The following RYR2 variants were observed in gnomAD, a reference collection of about 807,000 sequenced individuals.
RYR2 encodes the protein ryanodine receptor 2, also known as cardiac muscle ryanodine receptor-calcium release channel.
A neutral mutation model predicts 601.1 loss-of-function variants in RYR2; 227 were observed. The observed-to-expected ratio is 0.38, with a 90% confidence interval of 0.34 to 0.42. RYR2 has a LOEUF of 0.42. RYR2 is among the 10% of genes least tolerant of loss of function. The pLI is 1.00. For synonymous variants in RYR2, 2,223 were observed against 2,175.1 expected, an observed-to-expected ratio of 1.02 and a Z score of -0.61; for missense variants, 4,646 against 6,156.5, an observed-to-expected ratio of 0.75 and a Z score of 8.21.
intron 23 of RYR2, among the ~76,000 whole-genome samples, chr1:237,510,142 T>C (rs1459115318): frequency 6.6e-6 from 1 of 152,148 alleles, no homozygotes; most frequent in Non-Finnish European, 1.5e-5. Context: ...GCAGAGAGCC[T>C]GGAGGCAGGA....
intron 62 of RYR2, 131 bp from the exon 63 acceptor site, chr1:237,687,324 T>C: frequency 4.6e-6 from 3 of 645,476 alleles, no homozygotes; most frequent in East Asian, 2.7e-5. Flanking sequence ...GTTGCTTTTT[T>C]CCGGCTCATA....
In RYR2 at chr1:237,653,778, G is replaced by A. The variant is rs147894321; in HGVS notation, c.7825-496G>A. Among the ~76,000 whole-genome samples the A allele has an allele frequency of 1.2e-3, 177 of 152,310 alleles. 1 individual carries two copies. Among genetic ancestry groups the A allele is most frequent in the African/African-American group, 3.8e-3 (156 of 41,568 alleles). On this transcript the variant is annotated intron_variant, in intron 51 of 104. Transcript: ENST00000366574. ...GCCTTCAGTCTGTGGCCGAAGGCCC[G>A]TGAGCCCCTGGCAAAGCACTAGTGT...
At position 237,709,577 on chromosome 1, in the gene RYR2, A is replaced by G; in HGVS notation, c.10230+10A>G. Reference sequence around the variant, plus strand: ...CTGGTCGAAGTCCCATGTGAGTGTGAAAATATTGATAGATCACGCCTACTG... The same window carrying G: ...CTGGTCGAAGTCCCATGTGAGTGTGGAAATATTGATAGATCACGCCTACTG... On this transcript the variant is annotated intron_variant, in intron 70 of 104. Coordinates refer to ENST00000366574, the MANE Select transcript of RYR2 (RefSeq NM_001035.3). The G allele has an allele frequency of 6.4e-7, 1 of 1,571,602 alleles. No individual in the cohort carries two copies. Among genetic ancestry groups the G allele is most frequent in the Non-Finnish European group, 8.7e-7 (1 of 1,146,486 alleles).
chr1:237,516,504 C>G (rs188444694), intron 24 of RYR2, among the ~76,000 whole-genome samples: 1 of 152,220 alleles, frequency 6.6e-6, no homozygotes, highest in East Asian at 1.9e-4. Flanking sequence ...TGAAGGTATT[C>G]TCACCACTCC....
Position 237,105,464 on chromosome 1 carries a change from A to G in RYR2, c.48+62895A>G, listed in dbSNP as rs544470390. 6.6e-5 allele frequency among the ~76,000 whole-genome samples: 10 copies of G among 152,306 alleles called. No individual in the cohort carries two copies. The South Asian group carries it at 1.9e-3, about 28-fold the overall frequency. On this transcript the variant is annotated intron_variant, in intron 1 of 104. Coordinates refer to ENST00000366574, the MANE Select transcript of RYR2 (RefSeq NM_001035.3). ...GTAATCCCAGCATTTTGGAAGGCCAAGACGGGCAGGTCACTTGAAGTCAGG... is the reference window on the plus strand; with the variant it reads ...GTAATCCCAGCATTTTGGAAGGCCAGGACGGGCAGGTCACTTGAAGTCAGG...
intron 29 of RYR2, among the ~76,000 whole-genome samples, chr1:237,572,256 G>A (rs1020105721): frequency 6.6e-6 from 1 of 151,944 alleles, no homozygotes. Context: ...TGTGACTTAG[G>A]TTTCATTTTT....
intron 1 of RYR2, among the ~76,000 whole-genome samples, chr1:237,197,976 G>C (rs1680751646): frequency 6.6e-6 from 1 of 152,166 alleles, no homozygotes; most frequent in African/African-American, 2.4e-5. Flanking sequence ...AGGATGTGCT[G>C]CTTAAGGAAG....
At chr1:237,189,877 T>C (rs1572147163) in intron 1 of RYR2, among the ~76,000 whole-genome samples, 1 of 65,980 alleles carries the variant, frequency 1.5e-5, no homozygotes, top group Admixed American at 1.4e-4. Context: ...ATTTTTATTT[T>C]TATTTTTTTT....
chr1:237,131,031 A>G (rs374971271), intron 1 of RYR2, among the ~76,000 whole-genome samples: 1 of 152,092 alleles, frequency 6.6e-6, no homozygotes, highest in African/African-American at 2.4e-5. Flanking sequence ...AAAAAGCAAC[A>G]CTATTGTACT....
chr1:237,308,828 C>A (rs1386737723), intron 2 of RYR2, among the ~76,000 whole-genome samples: 1 of 152,196 alleles, frequency 6.6e-6, no homozygotes. Flanking sequence ...TGCTTTTATT[C>A]CCTTATCTGG....
intron 17 of RYR2, among the ~76,000 whole-genome samples, chr1:237,474,437 C>A (rs1322203405): frequency 1.3e-5 from 2 of 151,788 alleles, no homozygotes; most frequent in African/African-American, 4.8e-5. Context: ...ATGCCTGGGA[C>A]CACAGTGATT....
intron 1 of RYR2, among the ~76,000 whole-genome samples, chr1:237,104,442 CT>C (rs1360045186): frequency 6.6e-6 from 1 of 152,192 alleles, no homozygotes; most frequent in African/African-American, 2.4e-5. Context: ...AGCTCAGCAC[CT>C]TTCCCTGTCT....
At chr1:237,581,561 G>A (rs988041157) in intron 29 of RYR2, among the ~76,000 whole-genome samples, 2 of 152,126 alleles carry the variant, frequency 1.3e-5, no homozygotes, top group African/African-American at 4.8e-5. Flanking sequence ...CCAGGATATA[G>A]AACTACTAGT....
intron 24 of RYR2, among the ~76,000 whole-genome samples, chr1:237,523,588 G>T (rs2805435): frequency 0.48 from 72,307 of 151,552 alleles, 17,495 homozygotes; most frequent in East Asian, 0.58. Context: ...TACAAAAAAA[G>T]TAGCTGCACG....
chr1:237,378,870 C>G (rs1371603252), intron 8 of RYR2, among the ~76,000 whole-genome samples: 1 of 152,156 alleles, frequency 6.6e-6, no homozygotes, highest in Non-Finnish European at 1.5e-5. Context: ...AACAGTGTCT[C>G]GTGTAACTGA....
At chr1:237,237,367 A>C (rs2149215862) in intron 1 of RYR2, among the ~76,000 whole-genome samples, 1 of 152,346 alleles carries the variant, frequency 6.6e-6, no homozygotes, top group African/African-American at 2.4e-5. Flanking sequence ...GAATAATAAA[A>C]TTCTAAGCCT....
At chr1:237,781,805 T>C (rs567855694) in intron 89 of RYR2, among the ~76,000 whole-genome samples, 159 bp downstream of exon 89, 1 of 152,182 alleles carries the variant, frequency 6.6e-6, no homozygotes, top group East Asian at 1.9e-4. Flanking sequence ...TCACATTAGT[T>C]TTTTTTTAAA....
chr1:237,278,380 C>T (rs7513160), intron 2 of RYR2, among the ~76,000 whole-genome samples: 23,648 of 150,774 alleles, frequency 0.16, 2,358 homozygotes, highest in East Asian at 0.54. Flanking sequence ...TGTCAGCCAC[C>T]GTACCTGCCT....
intron 16 of RYR2, among the ~76,000 whole-genome samples, chr1:237,467,382 T>G (rs1256533551): frequency 6.6e-6 from 1 of 152,114 alleles, no homozygotes; most frequent in East Asian, 1.9e-4. Flanking sequence ...GCTATTGTTC[T>G]AAATTGGGAA....
Sources: gnomAD v4.1 joint callset for allele counts (sites outside exome capture counted in the v4.1 genomes callset) on GRCh38, gnomAD v4.1.1 for gene constraint, MANE v1.5 for transcripts, NCBI Gene and HGNC (gene_info 2026-07-23, HGNC 2026-07-21) for gene names.